Variants in INPP4B observed in about 807,000 individuals in gnomAD.
The protein encoded by INPP4B is inositol polyphosphate 4-phosphatase type II.
Under a neutral mutation model 122.5 loss-of-function variants are expected in INPP4B, and 55 were observed. That is an observed-to-expected ratio of 0.45 (90% CI 0.36 to 0.56). The LOEUF (loss-of-function observed/expected upper bound fraction) is 0.56. Ranked by LOEUF, INPP4B falls within the 20% of genes least tolerant of loss-of-function variation. The pLI is 0.00. For missense variants in INPP4B, 1,000 were observed against 1,097.7 expected (o/e 0.91, Z 1.26); for synonymous variants, 403 against 388.7 (o/e 1.04, Z -0.43).
At chr4:142,155,602 C>G (rs889190319) in intron 17 of INPP4B, among the ~76,000 whole-genome samples, 2 of 152,076 alleles carry the variant, frequency 1.3e-5, no homozygotes, top group Non-Finnish European at 2.9e-5. Flanking sequence ...TTATTTATAT[C>G]CTACTGCTCA....
At chr4:142,174,741 C>G (rs1021375057) in intron 15 of INPP4B, among the ~76,000 whole-genome samples, 8 of 152,008 alleles carry the variant, frequency 5.3e-5, no homozygotes, top group African/African-American at 1.9e-4. Context: ...CCTCCCGCCT[C>G]AGCCTCTTGA....
intron 1 of INPP4B, among the ~76,000 whole-genome samples, chr4:142,827,812 C>A (rs1781626724): frequency 6.6e-6 from 1 of 152,070 alleles, no homozygotes; most frequent in African/African-American, 2.4e-5. Context: ...GTGAATTGGA[C>A]AAGAACTATG....
chr4:142,704,815 A>C (rs1203415504), intron 2 of INPP4B, among the ~76,000 whole-genome samples: 1 of 151,886 alleles, frequency 6.6e-6, no homozygotes, highest in Non-Finnish European at 1.5e-5. Context: ...TATTCTTACC[A>C]CTCACAAACC....
chr4:142,701,458 C>A lies in INPP4B; in HGVS notation c.-191+24381G>T, dbSNP rs552652291. 3.4e-5 allele frequency among the ~76,000 whole-genome samples: 5 copies of A among 147,000 alleles called. No individual in the cohort carries two copies. In the East Asian group the frequency reaches 1.0e-3, roughly 29 times the overall value. On this transcript the variant is annotated intron_variant, in intron 2 of 25. Transcript: ENST00000262992. Reference sequence around the variant, plus strand: ...GGTGCAATCAGGCTGGCATGATCATCAGATACATGCTGAAAATGAAAAATA... The same window carrying A: ...GGTGCAATCAGGCTGGCATGATCATAAGATACATGCTGAAAATGAAAAATA...
chr4:142,250,220 T>A (rs1731273255), intron 11 of INPP4B, among the ~76,000 whole-genome samples: 1 of 152,188 alleles, frequency 6.6e-6, no homozygotes, highest in Non-Finnish European at 1.5e-5. Flanking sequence ...ACATACACAT[T>A]CAACTTGCAA....
At chr4:142,555,674 C>G (rs1373168593) in intron 2 of INPP4B, among the ~76,000 whole-genome samples, 1 of 151,936 alleles carries the variant, frequency 6.6e-6, no homozygotes, top group Admixed American at 6.6e-5. Flanking sequence ...TGAGATCATC[C>G]TGGCTAACAC....
chr4:142,792,941 T>C (rs28633136), intron 1 of INPP4B, among the ~76,000 whole-genome samples: 13,897 of 152,046 alleles, frequency 0.091, 805 homozygotes, highest in African/African-American at 0.16. Flanking sequence ...ATCTTGGCCC[T>C]GATGCTCCCT....
intron 1 of INPP4B, among the ~76,000 whole-genome samples, chr4:142,757,108 A>C (rs148898292): frequency 2.6e-4 from 40 of 151,960 alleles, no homozygotes; most frequent in African/African-American, 9.6e-4. Context: ...TTAATTAGTA[A>C]ATTTTATTTT....
At chr4:142,480,142 G>T (rs1820331742) in intron 2 of INPP4B, among the ~76,000 whole-genome samples, 1 of 152,106 alleles carries the variant, frequency 6.6e-6, no homozygotes, top group South Asian at 2.1e-4. Context: ...AGACATAAAT[G>T]ACTGCAAAAC....
At chr4:142,301,744 A>T (rs559018808) in intron 9 of INPP4B, among the ~76,000 whole-genome samples, 82 of 152,320 alleles carry the variant, frequency 5.4e-4, no homozygotes, top group Middle Eastern at 6.8e-3. Context: ...ACTGAGTGAA[A>T]TCCAAACTGT....
chr4:142,794,348 A>G (rs1176731498), intron 1 of INPP4B, among the ~76,000 whole-genome samples: 3 of 151,996 alleles, frequency 2.0e-5, no homozygotes, highest in Non-Finnish European at 4.4e-5. Flanking sequence ...TCAAAGACAT[A>G]TGGAAGCTTG....
intron 2 of INPP4B, among the ~76,000 whole-genome samples, chr4:142,477,819 T>A (rs746508607): frequency 6.6e-6 from 1 of 152,134 alleles, no homozygotes; most frequent in African/African-American, 2.4e-5. Context: ...CAGGACCAGA[T>A]GGATTCACAG....
At chr4:142,315,869 T>C (rs1360694584) in intron 7 of INPP4B, among the ~76,000 whole-genome samples, 4 of 151,878 alleles carry the variant, frequency 2.6e-5, no homozygotes. Flanking sequence ...AGGGATCATT[T>C]TAACAAAATC....
At chr4:142,691,721 C>T (rs1388049304) in intron 2 of INPP4B, among the ~76,000 whole-genome samples, 3 of 152,088 alleles carry the variant, frequency 2.0e-5, no homozygotes, top group Non-Finnish European at 4.4e-5. Context: ...TTCTCAACTA[C>T]CAACTTTCTA....
chr4:142,148,283 TG>T (rs1811881754), intron 17 of INPP4B, among the ~76,000 whole-genome samples: 1 of 152,114 alleles, frequency 6.6e-6, no homozygotes, highest in East Asian at 1.9e-4. Flanking sequence ...GTGGCACAGT[TG>T]GCTCACTGCA....
Position 142,558,956 on chromosome 4 carries a change from T to C in INPP4B, c.-190-96230A>G, listed in dbSNP as rs548780509. On this transcript the variant is annotated intron_variant, in intron 2 of 25. Coordinates refer to ENST00000262992, the MANE Select transcript of INPP4B (RefSeq NM_001101669.3). ...ATATATCCCCTTCTGTCTCAGCTCA[T>C]TAACTAGAAGTAGACACAGAGTCCC... Among the ~76,000 whole-genome samples the C allele has an allele frequency of 5.4e-4, 82 of 152,234 alleles. 1 individual carries two copies. Among genetic ancestry groups the C allele is most frequent in the African/African-American group, 1.9e-3 (80 of 41,548 alleles).
intron 12 of INPP4B, among the ~76,000 whole-genome samples, chr4:142,230,866 C>T (rs1184624233): frequency 6.6e-6 from 1 of 152,112 alleles, no homozygotes. Flanking sequence ...CCCATATGAG[C>T]CTTTCTTCAC....
intron 1 of INPP4B, among the ~76,000 whole-genome samples, chr4:142,824,088 G>A (rs1342205330): frequency 1.3e-5 from 2 of 152,124 alleles, no homozygotes; most frequent in Admixed American, 1.3e-4. Flanking sequence ...GGGAGCTCCT[G>A]GTTCCCAGGC....
chr4:142,223,518 G>C (rs1850264158), intron 12 of INPP4B, among the ~76,000 whole-genome samples: 1 of 151,976 alleles, frequency 6.6e-6, no homozygotes. Flanking sequence ...AATGAGTTTT[G>C]CCTTATTCTT....
Sources: gnomAD v4.1 joint callset for allele counts (sites outside exome capture counted in the v4.1 genomes callset) on GRCh38, gnomAD v4.1.1 for gene constraint, MANE v1.5 for transcripts, NCBI Gene and HGNC (gene_info 2026-07-23, HGNC 2026-07-21) for gene names.